The following IARS1 variants were observed in gnomAD, a reference collection of about 807,000 sequenced individuals.
IARS1 encodes the protein isoleucyl-tRNA synthetase 1.
IARS1 carries 124 observed loss-of-function variants against 168.2 expected under a neutral mutation model. The observed-to-expected ratio is 0.74, with a 90% CI of 0.64 to 0.86. The LOEUF is 0.86. IARS1 is among the 40% of genes least tolerant of loss of function. The pLI, the probability that IARS1 is intolerant of heterozygous loss-of-function variation, is 0.00. For synonymous variants in IARS1, 532 were observed against 529.4 expected (o/e 1.00, Z -0.07); for missense variants, 1,452 against 1,515.8 (o/e 0.96, Z 0.70).
chr9:92,260,367 G>C, intron 17 of IARS1, 133 bp from the exon 18 acceptor site: 2 of 711,502 alleles, frequency 2.8e-6, no homozygotes, highest in Non-Finnish European at 5.1e-6. Flanking sequence ...AGAAGTTAGT[G>C]CTAATAGGCC....
chr9:92,247,276 C>G, intron 26 of IARS1, 101 bp downstream of exon 26: 1 of 1,059,998 alleles, frequency 9.4e-7, no homozygotes, highest in Non-Finnish European at 1.4e-6. Flanking sequence ...CACGACAGGA[C>G]AGGAAAGGAA....
intron 23 of IARS1, 53 bp downstream of exon 23, chr9:92,250,660 A>T: frequency 6.7e-7 from 1 of 1,497,738 alleles, no homozygotes; most frequent in South Asian, 1.3e-5. Flanking sequence ...CACATGCTTG[A>T]GCAACTCTCC....
intron 18 of IARS1, 44 bp downstream of exon 18, chr9:92,260,107 T>C (rs1564175945): frequency 7.4e-7 from 1 of 1,359,938 alleles, no homozygotes; most frequent in Non-Finnish European, 1.1e-6. Flanking sequence ...GATGCTTACA[T>C]AAAAAAACAA....
chr9:92,222,426 A>C (rs1839807616), intron 33 of IARS1, 94 bp downstream of exon 33: 1 of 808,480 alleles, frequency 1.2e-6, no homozygotes, highest in East Asian at 2.6e-5. Context: ...GGATAACAAT[A>C]GTACTATCTT....
intron 2 of IARS1, among the ~76,000 whole-genome samples, chr9:92,288,947 A>G (rs905028549): frequency 1.2e-4 from 19 of 152,118 alleles, no homozygotes; most frequent in African/African-American, 4.3e-4. Context: ...GATGGCTCAC[A>G]CTTGTAATCC....
chr9:92,264,486 T>C (rs115420303), intron 16 of IARS1, among the ~76,000 whole-genome samples: 1 of 152,202 alleles, frequency 6.6e-6, no homozygotes, highest in Non-Finnish European at 1.5e-5. Flanking sequence ...GTATATTTTT[T>C]AAAAATCTGG....
intron 8 of IARS1, 73 bp downstream of exon 8, chr9:92,278,126 A>C (rs939420721): frequency 3.4e-6 from 4 of 1,164,396 alleles, no homozygotes; most frequent in African/African-American, 1.5e-5. Flanking sequence ...AACAAAGTTT[A>C]TTTCTTTTTA....
intron 30 of IARS1, among the ~76,000 whole-genome samples, chr9:92,233,112 C>T (rs372283097): frequency 6.6e-6 from 1 of 152,156 alleles, no homozygotes. Flanking sequence ...TATTTGACTA[C>T]GTTAGATCTG....
chr9:92,222,418 A>G (rs1839806050), intron 33 of IARS1, 102 bp downstream of exon 33: 5 of 670,812 alleles, frequency 7.5e-6, no homozygotes, highest in Non-Finnish European at 1.2e-5. Context: ...ACAAAACAGG[A>G]TAACAATAGT....
At chr9:92,268,398 CCAAA>C (rs1832585074) in intron 13 of IARS1, 98 bp from the exon 14 acceptor site, 3 of 1,220,794 alleles carry the variant, frequency 2.5e-6, no homozygotes, top group East Asian at 2.5e-5. Context: ...GCTTTGTGGA[CCAAA>C]CACTCTGGAA....
intron 31 of IARS1, among the ~76,000 whole-genome samples, chr9:92,225,708 A>AG (rs1287073997): frequency 6.6e-6 from 1 of 152,212 alleles, no homozygotes; most frequent in Non-Finnish European, 1.5e-5. Context: ...AGCTAAGCTA[A>AG]AACTATTTCC....
In IARS1 at chr9:92,256,800, C is replaced by T; in HGVS notation, c.2017G>A (p.Glu673Lys). ...LIQNVLRLQKEEEIEFLYNEN... is the reference protein window; with the variant it reads ...LIQNVLRLQKKEEIEFLYNEN... ...TTGTAGAGAAATTCTATTTCTTCCT[C>T]CTAGGAAGGAACAATTAATGAAACA... Residue 673 changes from glutamate (E) to lysine (K), a missense_variant and splice_region_variant, in exon 20 of 34, where the codon GAG (glutamate) becomes AAG (lysine). Glu to Lys is a moderately conservative substitution (Grantham distance 56). Coordinates refer to ENST00000443024, the MANE Select transcript of IARS1 (RefSeq NM_002161.6). 1.9e-6 allele frequency: 3 copies of T among 1,609,988 alleles called. No individual in the cohort carries two copies. The highest frequency in any genetic ancestry group is 2.2e-5 in the South Asian group (2 of 90,578).
At chr9:92,223,995 C>T (rs1825230963) in intron 31 of IARS1, among the ~76,000 whole-genome samples, 1 of 152,180 alleles carries the variant, frequency 6.6e-6, no homozygotes, top group African/African-American at 2.4e-5. Context: ...ATAGGACAGG[C>T]CCACAGGGCA....
chr9:92,236,314 G>T (rs1827519507), intron 30 of IARS1, among the ~76,000 whole-genome samples: 1 of 152,106 alleles, frequency 6.6e-6, no homozygotes, highest in East Asian at 1.9e-4. Context: ...TCTTTATCTG[G>T]TTTTGGTAGC....
At chr9:92,256,114 C>T (rs1438988426) in intron 20 of IARS1, among the ~76,000 whole-genome samples, 2 of 151,732 alleles carry the variant, frequency 1.3e-5, no homozygotes, top group Non-Finnish European at 2.9e-5. Flanking sequence ...CATGGCTATC[C>T]AGCTCTAAAG....
intron 31 of IARS1, among the ~76,000 whole-genome samples, chr9:92,224,493 A>G (rs1309443490): frequency 6.6e-6 from 1 of 152,222 alleles, no homozygotes; most frequent in African/African-American, 2.4e-5. Context: ...AGTTAGGGCA[A>G]GAGGTATGTG....
rs892130555 is a variant in IARS1, at chr9:92,244,860, A to T, written c.2904+99T>A. The T allele has an allele frequency of 7.9e-6, 7 of 885,402 alleles. No homozygotes were observed. The African/African-American group carries it at 1.2e-4, about 15-fold the overall frequency. The allele number at this position is 885,402 out of a possible 1,614,324, so 54.8% of individuals were successfully genotyped here. The stretch of plus-strand genomic sequence containing the variant: ...AGTAACTGGTTTATTTTACCCTGAG[A>T]CAAGCTGTCAACATTATCAGGAAAG... On this transcript the variant is annotated intron_variant, in intron 27 of 33. Transcript: ENST00000443024.
Position 92,222,576 on chromosome 9 carries a change from A to AC in IARS1, c.3649dup (p.Val1217GlyfsTer15). ...TAGCTTCCTGCTCCGAAGGCCAAAC[A>AC]CCTTGGCTGCTTCATACAGAAGACC... On this transcript the variant is annotated frameshift_variant, in exon 33 of 34. Transcript: ENST00000443024. LOFTEE classifies it high-confidence loss of function. 1 of 1,614,158 alleles carries AC rather than the reference A, an allele frequency of 6.2e-7. No homozygotes were observed. Among genetic ancestry groups the AC allele is most frequent in the East Asian group, 2.2e-5 (1 of 44,874 alleles).
chr9:92,217,626 T>G (rs1354811011), intron 33 of IARS1, among the ~76,000 whole-genome samples: 2 of 151,360 alleles, frequency 1.3e-5, no homozygotes, highest in Non-Finnish European at 3.0e-5. Context: ...CAAACTACCA[T>G]CAGAGAATAC....
Sources: gnomAD v4.1 joint callset for allele counts (sites outside exome capture counted in the v4.1 genomes callset) on GRCh38, gnomAD v4.1.1 for gene constraint, MANE v1.5 for transcripts, NCBI Gene and HGNC (gene_info 2026-07-23, HGNC 2026-07-21) for gene names.